The following VAV2 variants were observed in gnomAD, a reference collection of about 807,000 sequenced individuals.
The protein encoded by VAV2 is vav guanine nucleotide exchange factor 2.
VAV2 carries 67 observed loss-of-function variants against 132.5 expected under a neutral mutation model. The ratio of observed to expected loss-of-function variants is 0.51; its 90% CI spans 0.42 to 0.62. The LOEUF (loss-of-function observed/expected upper bound fraction) is 0.62, where lower values mean the gene tolerates loss of function less well. Among genes scored for constraint, VAV2 ranks in the 20% least tolerant of loss-of-function variants. The pLI is 0.00. For missense variants in VAV2, 938 were observed against 1,153.6 expected, an observed-to-expected ratio of 0.81 and a Z score of 2.71; for synonymous variants, 492 against 443.5, an observed-to-expected ratio of 1.11 and a Z score of -1.37.
rs1834604616 is a variant in VAV2, at chr9:133,794,005, C to T, written c.1101+1663G>A. Among the ~76,000 whole-genome samples the T allele has an allele frequency of 6.6e-6, 1 of 151,212 alleles. No individual in the cohort carries two copies. Among genetic ancestry groups the T allele is most frequent in the Non-Finnish European group, 1.5e-5 (1 of 67,710 alleles). On this transcript the variant is annotated intron_variant, in intron 12 of 29. Transcript: ENST00000371850. This position sits in a 1 kb window ranked among gnomAD's most constrained non-coding sequence, Gnocchi z 4.6. ...GAAAGGCAGACGCACACCCGCAAGTCACCGAGTACTTTGTGCAGCACCGTG... is the reference window on the plus strand; with the variant it reads ...GAAAGGCAGACGCACACCCGCAAGTTACCGAGTACTTTGTGCAGCACCGTG...
chr9:133,796,697 G>C (rs189611521), intron 10 of VAV2, among the ~76,000 whole-genome samples, 173 bp from the exon 11 acceptor site: 6,283 of 152,206 alleles, frequency 0.041, 154 homozygotes, highest in Middle Eastern at 0.088. Context: ...GTGTGCAGAG[G>C]GGGGGGCTTC....
chr9:133,860,672 C>T (rs1336393321), intron 3 of VAV2, among the ~76,000 whole-genome samples: 1 of 151,450 alleles, frequency 6.6e-6, no homozygotes, highest in Non-Finnish European at 1.5e-5. Flanking sequence ...CTCTCCTTCT[C>T]ACCCTGCTGG....
At position 133,762,151 on chromosome 9, in the gene VAV2, C is replaced by T. The variant is rs935375961; in HGVS notation, c.*1911G>A. The T allele has an allele frequency of 1.3e-5, 2 of 152,566 alleles. No individual in the cohort carries two copies. Among genetic ancestry groups the T allele is most frequent in the Non-Finnish European group, 1.5e-5 (1 of 68,048 alleles). The allele number at this position is 152,566 out of a possible 1,614,324, so 9.5% of individuals were successfully genotyped here. On this transcript the variant is annotated 3_prime_UTR_variant, in exon 30 of 30. Coordinates refer to ENST00000371850, the MANE Select transcript of VAV2 (RefSeq NM_001134398.2). The surrounding 1 kb of genome is among the most constrained non-coding windows in gnomAD (Gnocchi z 5.0). ...TGCACCCAGCCCTCCAACCCTCCTG[C>T]CTTAGTGCAGTGCAAAAACCAAACC...
chr9:133,810,201 C>T lies in VAV2; in HGVS notation c.557G>A (p.Arg186Lys), dbSNP rs1835307616. The change falls in exon 6 of 30, where the codon AGA (arginine) becomes AAA (lysine). Residue 186 changes from arginine (R) to lysine (K), a missense_variant. Physicochemically the swap from Arg to Lys is conservative, Grantham distance 26 (BLOSUM62 2). Coordinates refer to ENST00000371850, the MANE Select transcript of VAV2 (RefSeq NM_001134398.2). ...TTCCGGGCCACTCACCTGCATGTAT[C>T]TAATCTGCAAGCGTGGAGAAAGAAC... is the stretch of plus-strand genomic sequence containing the variant. ...IKVEVQQPMI[R>K]YMQKMGMTED... The T allele has an allele frequency of 6.2e-7, 1 of 1,613,462 alleles. No individual in the cohort carries two copies. The highest frequency in any genetic ancestry group is 8.5e-7 in the Non-Finnish European group (1 of 1,179,856).
rs1588275686 is a variant in VAV2 at position 133,857,208 on chromosome 9, C to T, written c.380+4166G>A. Among the ~76,000 whole-genome samples the T allele has an allele frequency of 6.6e-6, 1 of 152,288 alleles. No individual in the cohort carries two copies. The highest frequency in any genetic ancestry group is 1.9e-4 in the East Asian group (1 of 5,172). ...TGATGACCCCAAATTAGGGCACCCC[C>T]AATCTGGAGGGCTAGCTCTGGCCAC... On this transcript the variant is annotated intron_variant, in intron 3 of 29. Transcript: ENST00000371850. The surrounding 1 kb of genome is among the most constrained non-coding windows in gnomAD (Gnocchi z 4.0).
chr9:133,881,975 G>A (rs889966535), intron 2 of VAV2, among the ~76,000 whole-genome samples: 9 of 152,256 alleles, frequency 5.9e-5, no homozygotes, highest in Non-Finnish European at 7.4e-5. Flanking sequence ...GCGAGTGTGC[G>A]GGGCTACAAA....
At chr9:133,779,801 G>A (rs1420605271) in intron 21 of VAV2, 117 bp downstream of exon 21, 1 of 1,399,444 alleles carries the variant, frequency 7.1e-7, no homozygotes, top group Admixed American at 2.1e-5. Flanking sequence ...GCATCCAGGA[G>A]CCTGGAGCGT....
chr9:133,870,255 C>T (rs917253312), intron 2 of VAV2, among the ~76,000 whole-genome samples: 3 of 151,990 alleles, frequency 2.0e-5, no homozygotes, highest in East Asian at 1.9e-4. Context: ...TCTAGGGGGC[C>T]GGCAGAGTGC....
At chr9:133,911,229 A>T (rs1839874553) in intron 2 of VAV2, among the ~76,000 whole-genome samples, 1 of 152,228 alleles carries the variant, frequency 6.6e-6, no homozygotes, top group Non-Finnish European at 1.5e-5. Context: ...AGCAAGTCCC[A>T]CCAGGAACAC....
chr9:133,931,335 G>A (rs895167682), intron 2 of VAV2, among the ~76,000 whole-genome samples: 7 of 152,166 alleles, frequency 4.6e-5, no homozygotes, highest in Admixed American at 1.3e-4. Context: ...CAGCGAGGGG[G>A]AGCAAGGGGC....
In VAV2 at chr9:133,886,995, G is replaced by A. The variant is rs536998742; in HGVS notation, c.322-25563C>T. ...GGGGGAGGGAAGCCAGACAAGGCAG[G>A]TGCCAAGCCCCCCCTCCCCACCCCG... is the stretch of plus-strand genomic sequence containing the variant. On this transcript the variant is annotated intron_variant, in intron 2 of 29. Transcript: ENST00000371850. 5.3e-5 allele frequency among the ~76,000 whole-genome samples: 8 copies of A among 152,310 alleles called. No individual in the cohort carries two copies. The South Asian group carries it at 1.4e-3, about 28-fold the overall frequency.
intron 4 of VAV2, among the ~76,000 whole-genome samples, chr9:133,813,224 T>G (rs978618165): frequency 2.6e-5 from 4 of 152,158 alleles, no homozygotes; most frequent in African/African-American, 9.7e-5. Context: ...AGGACACATC[T>G]CACATCCCGG....
At chr9:133,939,810 A>G (rs2810530) in intron 1 of VAV2, among the ~76,000 whole-genome samples, 114,269 of 152,280 alleles carry the variant, frequency 0.75, 42,993 homozygotes, top group Middle Eastern at 0.86. Context: ...GCCACCCCCA[A>G]GAAGCCACGG....
chr9:133,843,894 G>A (rs1836825264), intron 3 of VAV2, among the ~76,000 whole-genome samples: 1 of 152,162 alleles, frequency 6.6e-6, no homozygotes, highest in African/African-American at 2.4e-5. Context: ...GGGGCACTGA[G>A]GCACAACCAC....
chr9:133,876,135 C>A (rs778458774), intron 2 of VAV2, among the ~76,000 whole-genome samples: 1 of 152,264 alleles, frequency 6.6e-6, no homozygotes, highest in Non-Finnish European at 1.5e-5. Context: ...TGACCTCCAG[C>A]TTCACAGCAG....
At chr9:133,871,584 A>G (rs1361352047) in intron 2 of VAV2, among the ~76,000 whole-genome samples, 1 of 151,948 alleles carries the variant, frequency 6.6e-6, no homozygotes, top group Non-Finnish European at 1.5e-5. Flanking sequence ...GTAAGGAGAG[A>G]AGAGAGAGAA....
At chr9:133,951,383 G>A (rs1189017418) in intron 1 of VAV2, among the ~76,000 whole-genome samples, 1 of 152,266 alleles carries the variant, frequency 6.6e-6, no homozygotes, top group Non-Finnish European at 1.5e-5. Context: ...CCTGAAAAGT[G>A]TCCCTCATGC....
intron 1 of VAV2, among the ~76,000 whole-genome samples, chr9:133,984,540 G>A (rs1239300295): frequency 6.6e-6 from 1 of 152,150 alleles, no homozygotes; most frequent in Non-Finnish European, 1.5e-5. Context: ...TTGAGCCCAG[G>A]AGTTTAAGGC....
At chr9:133,914,341 A>T (rs938976724) in intron 2 of VAV2, among the ~76,000 whole-genome samples, 1 of 152,114 alleles carries the variant, frequency 6.6e-6, no homozygotes, top group African/African-American at 2.4e-5. Context: ...AGTGATCTTC[A>T]CAGTGGCCAA....
Sources: allele counts gnomAD v4.1 joint callset (sites outside exome capture counted in the v4.1 genomes callset), GRCh38; gene constraint gnomAD v4.1.1; non-coding constraint Gnocchi (gnomAD v3.1); transcripts MANE v1.5; gene names NCBI Gene and HGNC (gene_info 2026-07-23, HGNC 2026-07-21).